Variants in OXR1 observed in about 807,000 individuals in gnomAD.
OXR1 encodes oxidation resistance protein 1.
A neutral mutation model predicts 104.6 loss-of-function variants in OXR1; 41 were observed. The ratio of observed to expected loss-of-function variants is 0.39; its 90% CI spans 0.31 to 0.51. The LOEUF is 0.51. Among genes scored for constraint, OXR1 ranks in the 20% least tolerant of loss-of-function variants. The pLI is 0.77. For missense variants in OXR1, 955 were observed against 1,031.9 expected (o/e 0.93, Z 1.02); for synonymous variants, 348 against 348.4 (o/e 1.00, Z 0.01).
At chr8:106,318,023 C>T (rs551566283) in intron 1 of OXR1, among the ~76,000 whole-genome samples, 1 of 152,134 alleles carries the variant, frequency 6.6e-6, no homozygotes, top group South Asian at 2.1e-4. Flanking sequence ...ATGACCATGA[C>T]AGGAAATAAT....
intron 1 of OXR1, among the ~76,000 whole-genome samples, chr8:106,271,271 C>T (rs953831393): frequency 1.2e-4 from 18 of 145,822 alleles, no homozygotes; most frequent in Middle Eastern, 3.4e-3. Context: ...TTGGACGCAC[C>T]TCGGCTCGCT....
intron 11 of OXR1, among the ~76,000 whole-genome samples, chr8:106,722,752 G>C (rs540380097): frequency 6.6e-6 from 1 of 152,244 alleles, no homozygotes; most frequent in South Asian, 2.1e-4. Context: ...ACACTGTGAT[G>C]TTCACAAAAC....
At chr8:106,652,253 A>C (rs1292338286) in intron 3 of OXR1, among the ~76,000 whole-genome samples, 1 of 152,066 alleles carries the variant, frequency 6.6e-6, no homozygotes, top group Non-Finnish European at 1.5e-5. Context: ...GCTGAGAGTG[A>C]GCTTGGGTAG....
rs1195197885 is a variant in OXR1 at position 106,707,111 on chromosome 8, G to C, written c.1590G>C (p.Lys530Asn). Residue 530 changes from lysine (K) to asparagine (N), a missense_variant, in exon 9 of 17, where the codon AAG (lysine) becomes AAC (asparagine). Lys to Asn is a moderately conservative substitution (Grantham distance 94). Around this residue, in one of 2 missense-constraint regions of OXR1, gnomAD observed 849 missense variants for 852.9 expected, o/e 1.00. Transcript: ENST00000517566. ...NIQQVSQKEAKHKITSADGHI... is the reference protein window; with the variant it reads ...NIQQVSQKEANHKITSADGHI... ...AACAAGTGTCACAAAAAGAAGCTAA[G>C]CATAAAATTACATCTGCTGATGGAC... The C allele has an allele frequency of 9.3e-6, 15 of 1,613,714 alleles. No individual in the cohort carries two copies. Among genetic ancestry groups the C allele is most frequent in the African/African-American group, 4.0e-5 (3 of 74,904 alleles).
At chr8:106,439,883 G>T (rs2130585310) in intron 2 of OXR1, among the ~76,000 whole-genome samples, 1 of 152,124 alleles carries the variant, frequency 6.6e-6, no homozygotes, top group Non-Finnish European at 1.5e-5. Flanking sequence ...TTCTAATTAG[G>T]TTCTGCATTT....
At chr8:106,310,788 A>G (rs1476400351) in intron 1 of OXR1, among the ~76,000 whole-genome samples, 2 of 152,008 alleles carry the variant, frequency 1.3e-5, no homozygotes, top group African/African-American at 4.8e-5. Flanking sequence ...GCTACCTAAC[A>G]TTTTGTTGTT....
chr8:106,742,134 G>T (rs903042054), intron 14 of OXR1, 88 bp from the exon 15 acceptor site: 21 of 771,678 alleles, frequency 2.7e-5, no homozygotes, highest in Middle Eastern at 2.3e-4. Flanking sequence ...TCTATTTTTT[G>T]CATTTTATTT....
intron 6 of OXR1, 130 bp from the exon 7 acceptor site, chr8:106,692,598 T>G: frequency 2.0e-6 from 1 of 491,290 alleles, no homozygotes; most frequent in Non-Finnish European, 3.5e-6. Flanking sequence ...TATTTCGGGC[T>G]GACTTCCAGA....
chr8:106,439,626 T>A (rs1486953604), intron 2 of OXR1, among the ~76,000 whole-genome samples: 1 of 152,082 alleles, frequency 6.6e-6, no homozygotes, highest in African/African-American at 2.4e-5. Context: ...TGCTGGCTTT[T>A]AAAAGTCACT....
At chr8:106,564,421 A>T (rs1670390) in intron 3 of OXR1, among the ~76,000 whole-genome samples, 2 of 151,540 alleles carry the variant, frequency 1.3e-5, no homozygotes, top group Non-Finnish European at 1.5e-5. Flanking sequence ...ACACACACAC[A>T]CCCCCGCCCC....
chr8:106,568,936 T>C (rs958424997), intron 3 of OXR1, among the ~76,000 whole-genome samples: 6 of 151,952 alleles, frequency 3.9e-5, no homozygotes, highest in African/African-American at 1.4e-4. Flanking sequence ...TAATACTATA[T>C]ATTTCTAATG....
chr8:106,552,680 A>T (rs1815934895), intron 3 of OXR1, among the ~76,000 whole-genome samples: 1 of 152,232 alleles, frequency 6.6e-6, no homozygotes, highest in South Asian at 2.1e-4. Flanking sequence ...GAGAGGATTC[A>T]GTAACTCTTG....
chr8:106,377,963 A>G (rs1816977383), intron 2 of OXR1, among the ~76,000 whole-genome samples: 1 of 152,062 alleles, frequency 6.6e-6, no homozygotes, highest in Admixed American at 6.6e-5. Flanking sequence ...TTCTATTTGT[A>G]TATTTCTATC....
chr8:106,555,198 T>C (rs1050253358), intron 3 of OXR1, among the ~76,000 whole-genome samples: 1 of 152,122 alleles, frequency 6.6e-6, no homozygotes, highest in Non-Finnish European at 1.5e-5. Flanking sequence ...TGGAAACCAC[T>C]GTTTTATATT....
At chr8:106,630,994 A>G (rs959628051) in intron 3 of OXR1, among the ~76,000 whole-genome samples, 12 of 152,184 alleles carry the variant, frequency 7.9e-5, no homozygotes, top group African/African-American at 2.9e-4. Flanking sequence ...GTTACTGGGC[A>G]TGAAGATAAT....
At chr8:106,533,457 A>G (rs1814239807) in intron 3 of OXR1, among the ~76,000 whole-genome samples, 3 of 152,180 alleles carry the variant, frequency 2.0e-5, no homozygotes, top group Non-Finnish European at 4.4e-5. Flanking sequence ...TCTTTATTCA[A>G]AGAGAGAGAG....
In OXR1 at chr8:106,752,264, T is replaced by C. The variant is rs1835935035; in HGVS notation, c.*1323T>C. 1 of 152,540 alleles carries C rather than the reference T, an allele frequency of 6.6e-6. No individual in the cohort carries two copies. The allele number at this position is 152,540 out of a possible 1,614,324, so 9.4% of individuals were successfully genotyped here. A position where few individuals can be genotyped will look rare whatever the true frequency, so the allele number is the denominator to read the frequency against. The stretch of plus-strand genomic sequence containing the variant: ...CTTACAGAAAGTGTTGATTGCCAGG[T>C]TGCTTATAGCACTTTAAGTTATTCT... On this transcript the variant is annotated 3_prime_UTR_variant, in exon 17 of 17. Coordinates refer to ENST00000517566, the MANE Select transcript of OXR1 (RefSeq NM_001198533.2).
chr8:106,349,750 AAG>A (rs2130303114), intron 1 of OXR1, among the ~76,000 whole-genome samples: 1 of 152,322 alleles, frequency 6.6e-6, no homozygotes, highest in South Asian at 2.1e-4. Context: ...AAGTTACCCA[AAG>A]AGAGAGGGAA....
At chr8:106,618,090 A>G (rs1821388545) in intron 3 of OXR1, 3 of 1,535,868 alleles carry the variant, frequency 2.0e-6, no homozygotes, top group South Asian at 1.2e-5. Context: ...AAGCACAGGA[A>G]TCAAAATTCC....
Sources: allele counts gnomAD v4.1 joint callset (sites outside exome capture counted in the v4.1 genomes callset), GRCh38; gene constraint gnomAD v4.1.1; regional missense constraint gnomAD v4.1.1; transcripts MANE v1.5; gene names NCBI Gene and HGNC (gene_info 2026-07-23, HGNC 2026-07-21).